PREX2: variants seen among roughly 807,000 people sequenced by gnomAD.
PREX2 encodes the protein phosphatidylinositol-3,4,5-trisphosphate dependent Rac exchange factor 2, also known as phosphatidylinositol 3,4,5-trisphosphate-dependent Rac exchanger 2 protein.
In PREX2, 107 loss-of-function variants were observed where a neutral mutation model predicts 203.2. That is an observed-to-expected ratio of 0.53 (90% confidence interval 0.45 to 0.62). PREX2 has a LOEUF of 0.62. Ranked by LOEUF, PREX2 falls within the 20% of genes least tolerant of loss-of-function variation. The pLI, the probability that PREX2 is intolerant of heterozygous loss-of-function variation, is 0.00. For missense variants in PREX2, 1,777 were observed against 1,955.9 expected, an observed-to-expected ratio of 0.91 and a Z score of 1.72; for synonymous variants, 672 against 663.6, an observed-to-expected ratio of 1.01 and a Z score of -0.19.
chr8:68,073,945 T>C (rs893623790), intron 14 of PREX2, among the ~76,000 whole-genome samples: 1 of 151,958 alleles, frequency 6.6e-6, no homozygotes, highest in Non-Finnish European at 1.5e-5. Flanking sequence ...TAGAAGAATA[T>C]ATTAAGGTGC....
At chr8:67,957,765 T>C (rs996097891) in intron 1 of PREX2, among the ~76,000 whole-genome samples, 12 of 152,188 alleles carry the variant, frequency 7.9e-5, no homozygotes, top group Non-Finnish European at 1.5e-5. Flanking sequence ...ATTCAGCACA[T>C]TATGCTTAAG....
intron 8 of PREX2, among the ~76,000 whole-genome samples, chr8:68,050,529 C>T (rs942646787): frequency 6.6e-6 from 1 of 152,180 alleles, no homozygotes; most frequent in African/African-American, 2.4e-5. Context: ...CCAATCTCCT[C>T]CCACCAGGCT....
At chr8:68,017,133 G>A (rs1279327406) in intron 1 of PREX2, among the ~76,000 whole-genome samples, 1 of 151,778 alleles carries the variant, frequency 6.6e-6, no homozygotes, top group Non-Finnish European at 1.5e-5. Context: ...TTTTTAATTT[G>A]TGAAAATAAT....
chr8:68,005,970 A>T lies in PREX2; in HGVS notation c.142-11876A>T, dbSNP rs534728741. ...GTAAAAATATACAGATAATTTCAGGACATATGCATTAGTTTCCCAGTGGGA... is the reference window on the plus strand; with the variant it reads ...GTAAAAATATACAGATAATTTCAGGTCATATGCATTAGTTTCCCAGTGGGA... On this transcript the variant is annotated intron_variant, in intron 1 of 39. Coordinates refer to ENST00000288368, the MANE Select transcript of PREX2 (RefSeq NM_024870.4). Among the ~76,000 whole-genome samples, 93 of 152,344 alleles carry T rather than the reference A, an allele frequency of 6.1e-4. 1 individual carries two copies. In the South Asian group the frequency reaches 0.019, roughly 31 times the overall value.
chr8:68,065,465 A>G (rs1808989162), intron 11 of PREX2, among the ~76,000 whole-genome samples: 1 of 152,142 alleles, frequency 6.6e-6, no homozygotes, highest in East Asian at 1.9e-4. Context: ...TGTATTGTCT[A>G]TCTTTTTTTA....
chr8:67,989,133 G>A (rs1018743054), intron 1 of PREX2, among the ~76,000 whole-genome samples: 4 of 151,292 alleles, frequency 2.6e-5, no homozygotes, highest in Admixed American at 2.6e-4. Flanking sequence ...AATGAGGAAT[G>A]GATGTGAAAA....
At position 67,983,686 on chromosome 8, in the gene PREX2, G is replaced by A. The variant is rs565960550; in HGVS notation, c.141+31151G>A. ...TGAAATTTTTGCTCCAGAATTGAGT[G>A]TTTAGTTTTCTTCATTTATTGACCA... On this transcript the variant is annotated intron_variant, in intron 1 of 39. Coordinates refer to ENST00000288368, the MANE Select transcript of PREX2 (RefSeq NM_024870.4). Among the ~76,000 whole-genome samples, 5 of 152,324 alleles carry A rather than the reference G, an allele frequency of 3.3e-5. No homozygotes were observed. In the South Asian group the frequency reaches 6.2e-4, roughly 19 times the overall value.
At chr8:68,054,366 AAAAAC>A (rs1303248686) in intron 9 of PREX2, among the ~76,000 whole-genome samples, 4 of 130,458 alleles carry the variant, frequency 3.1e-5, no homozygotes, top group Admixed American at 1.5e-4. Context: ...CCCAAGAGAA[AAAAAC>A]AAAACAAAAT....
intron 8 of PREX2, among the ~76,000 whole-genome samples, chr8:68,045,838 A>G (rs1808338225): frequency 6.6e-6 from 1 of 152,106 alleles, no homozygotes; most frequent in Non-Finnish European, 1.5e-5. Context: ...CTATCTTTCC[A>G]TAGCAGGATG....
intron 12 of PREX2, among the ~76,000 whole-genome samples, 188 bp downstream of exon 12, chr8:68,069,324 T>A (rs1360285333): frequency 6.6e-6 from 1 of 152,006 alleles, no homozygotes; most frequent in Non-Finnish European, 1.5e-5. Context: ...TTTCTCATTC[T>A]CTTACCTAAT....
rs201223831 is a variant in PREX2, at chr8:67,962,605, A to T, written c.141+10070A>T. Among the ~76,000 whole-genome samples, 66 of 147,426 alleles carry T rather than the reference A, an allele frequency of 4.5e-4. No individual in the cohort carries two copies. In the East Asian group the frequency reaches 0.012, roughly 28 times the overall value. ...AAATATATTTGTATTTATATATTTT[A>T]TTTTTTTTTTTATTTTTTTGAGATA... is the stretch of plus-strand genomic sequence containing the variant. On this transcript the variant is annotated intron_variant, in intron 1 of 39. Transcript: ENST00000288368.
chr8:67,971,492 T>G (rs1288167134), intron 1 of PREX2, among the ~76,000 whole-genome samples: 1 of 152,224 alleles, frequency 6.6e-6, no homozygotes. Context: ...AATGAATACA[T>G]GACATTAATA....
At chr8:68,067,556 T>C (rs1809055355) in intron 11 of PREX2, among the ~76,000 whole-genome samples, 1 of 152,216 alleles carries the variant, frequency 6.6e-6, no homozygotes, top group East Asian at 1.9e-4. Flanking sequence ...ATTGTTAGTA[T>C]ATGGAGACAC....
intron 2 of PREX2, 63 bp downstream of exon 2, chr8:68,017,980 G>A (rs1585709087): frequency 1.6e-6 from 2 of 1,256,722 alleles, no homozygotes; most frequent in East Asian, 2.5e-5. Context: ...TTTTGCTGGT[G>A]CCATGGTACT....
chr8:67,955,058 C>T (rs1329596329), intron 1 of PREX2, among the ~76,000 whole-genome samples: 3 of 144,780 alleles, frequency 2.1e-5, no homozygotes, highest in Admixed American at 7.4e-5. Flanking sequence ...GCAGGAGAAT[C>T]ACTTGAACCT....
intron 1 of PREX2, among the ~76,000 whole-genome samples, chr8:67,990,351 T>C (rs1020561482): frequency 6.6e-6 from 1 of 151,682 alleles, no homozygotes; most frequent in African/African-American, 2.4e-5. Context: ...CATAGGTCAG[T>C]GGCTCTCAAG....
Position 67,978,717 on chromosome 8 carries a change from G to C in PREX2, c.141+26182G>C, listed in dbSNP as rs1335827355. Among the ~76,000 whole-genome samples, 3 of 151,906 alleles carry C rather than the reference G, an allele frequency of 2.0e-5. No individual in the cohort carries two copies. In the South Asian group the frequency reaches 6.3e-4, roughly 32 times the overall value. ...CTTTTCTCTTGGGTGGTTTTTCAAT[G>C]GTTTTATGATTGCCTTTGAACTTGT... On this transcript the variant is annotated intron_variant, in intron 1 of 39. Coordinates refer to ENST00000288368, the MANE Select transcript of PREX2 (RefSeq NM_024870.4).
chr8:67,984,024 C>G (rs767300905), intron 1 of PREX2, among the ~76,000 whole-genome samples: 2 of 151,922 alleles, frequency 1.3e-5, no homozygotes, highest in Non-Finnish European at 2.9e-5. Context: ...TCTCATGCCT[C>G]TGATCCTGCT....
At chr8:68,036,554 A>G (rs1205323143) in intron 6 of PREX2, among the ~76,000 whole-genome samples, 1 of 152,128 alleles carries the variant, frequency 6.6e-6, no homozygotes, top group Non-Finnish European at 1.5e-5. Context: ...AATTAATACC[A>G]CTTTGCTTAA....
Sources: allele counts gnomAD v4.1 joint callset (sites outside exome capture counted in the v4.1 genomes callset), GRCh38; gene constraint gnomAD v4.1.1; transcripts MANE v1.5; gene names NCBI Gene and HGNC (gene_info 2026-07-23, HGNC 2026-07-21).